The following NMNAT2 variants were observed in gnomAD, a reference collection of about 807,000 sequenced individuals.
NMNAT2 encodes nicotinamide nucleotide adenylyltransferase 2.
In NMNAT2, 11 loss-of-function variants were observed where a neutral mutation model predicts 41.6. The observed-to-expected ratio is 0.26, with a 90% CI of 0.17 to 0.44. NMNAT2 has a LOEUF of 0.44. NMNAT2 is among the 20% of genes least tolerant of loss of function. The pLI is 1.00. For synonymous variants in NMNAT2, 148 were observed against 151.2 expected (o/e 0.98, Z 0.16); for missense variants, 288 against 407.7 (o/e 0.71, Z 2.53).
chr1:183,384,066 C>A (rs1198563785), intron 1 of NMNAT2, among the ~76,000 whole-genome samples: 2 of 152,264 alleles, frequency 1.3e-5, no homozygotes, highest in East Asian at 3.9e-4. Flanking sequence ...TTTATTGGCT[C>A]ATGGTTCCAC....
At chr1:183,335,543 A>G (rs1051425996) in intron 1 of NMNAT2, among the ~76,000 whole-genome samples, 7 of 152,220 alleles carry the variant, frequency 4.6e-5, no homozygotes, top group Non-Finnish European at 8.8e-5. Context: ...TGCTGTAGTC[A>G]TCTTCAGTTC....
intron 7 of NMNAT2, among the ~76,000 whole-genome samples, chr1:183,282,606 A>C (rs1661299160): frequency 6.6e-6 from 1 of 152,204 alleles, no homozygotes; most frequent in Non-Finnish European, 1.5e-5. Context: ...GGCCAAGGAG[A>C]CTGCGTGGGA....
intron 1 of NMNAT2, among the ~76,000 whole-genome samples, chr1:183,394,441 C>T (rs1239575400): frequency 6.6e-6 from 1 of 152,184 alleles, no homozygotes; most frequent in African/African-American, 2.4e-5. Flanking sequence ...TCGAAAGTAT[C>T]CAATAAGCAA....
chr1:183,403,450 C>G (rs531331056), intron 1 of NMNAT2, among the ~76,000 whole-genome samples: 1 of 146,116 alleles, frequency 6.8e-6, no homozygotes, highest in Non-Finnish European at 1.5e-5. Context: ...ACCCCCCCCC[C>G]CAAAAAAAAT....
intron 8 of NMNAT2, among the ~76,000 whole-genome samples, chr1:183,268,353 G>T (rs1340637236): frequency 6.6e-6 from 1 of 152,224 alleles, no homozygotes; most frequent in Non-Finnish European, 1.5e-5. Flanking sequence ...CACTAGGCAT[G>T]CAGGGTTGAG....
intron 10 of NMNAT2, among the ~76,000 whole-genome samples, chr1:183,253,904 C>T (rs1357020531): frequency 1.4e-5 from 2 of 144,270 alleles, no homozygotes; most frequent in African/African-American, 5.1e-5. Flanking sequence ...GTTCCACTTC[C>T]GTGTGTGTGT....
chr1:183,259,834 C>T (rs947002569), intron 10 of NMNAT2, among the ~76,000 whole-genome samples: 5 of 152,110 alleles, frequency 3.3e-5, no homozygotes, highest in African/African-American at 4.8e-5. Context: ...CTCCTGACCT[C>T]GTGATCCACC....
intron 1 of NMNAT2, among the ~76,000 whole-genome samples, chr1:183,325,130 C>T (rs531048553): frequency 6.6e-6 from 1 of 152,290 alleles, no homozygotes; most frequent in South Asian, 2.1e-4. Context: ...CAATATCCAT[C>T]CTGATCTGCT....
rs535199454 is a variant in NMNAT2, at chr1:183,285,587, T to G, written c.449-797A>C. On this transcript the variant is annotated intron_variant, in intron 5 of 10. Transcript: ENST00000287713. ...CCCTGTTTATAATAGACCAATAATA[T>G]AATAGCTTATGGTCTCCAGGCTTGA... 1.6e-4 allele frequency among the ~76,000 whole-genome samples: 25 copies of G among 152,320 alleles called. 1 individual carries two copies. Among genetic ancestry groups the G allele is most frequent in the Non-Finnish European group, 2.5e-4 (17 of 68,020 alleles).
chr1:183,368,387 C>T (rs1442678948), intron 1 of NMNAT2, among the ~76,000 whole-genome samples: 1 of 152,178 alleles, frequency 6.6e-6, no homozygotes, highest in African/African-American at 2.4e-5. Flanking sequence ...GAAGTCTTTT[C>T]TCTTGACCAC....
chr1:183,416,688 T>C (rs751697014), intron 1 of NMNAT2, among the ~76,000 whole-genome samples: 26 of 152,114 alleles, frequency 1.7e-4, no homozygotes, highest in African/African-American at 2.4e-5. Flanking sequence ...CGTGTAGATA[T>C]GCCTACCCGA....
intron 1 of NMNAT2, among the ~76,000 whole-genome samples, chr1:183,303,820 C>G (rs567400878): frequency 6.6e-6 from 1 of 152,330 alleles, no homozygotes; most frequent in Non-Finnish European, 1.5e-5. Flanking sequence ...GCCTACCATG[C>G]CATCCCTTGG....
At chr1:183,366,572 T>G (rs186581144) in intron 1 of NMNAT2, among the ~76,000 whole-genome samples, 1 of 152,236 alleles carries the variant, frequency 6.6e-6, no homozygotes, top group Non-Finnish European at 1.5e-5. Context: ...TTGTTGGTAT[T>G]GCAGGAAATG....
At chr1:183,304,835 T>G (rs1661959661) in intron 1 of NMNAT2, 1 of 1,593,046 alleles carries the variant, frequency 6.3e-7, no homozygotes, top group African/African-American at 1.3e-5. Context: ...TTGTTGCTGA[T>G]CTTGTTTGCT....
Position 183,362,006 on chromosome 1 carries a change from C to T in NMNAT2, c.85+56177G>A, listed in dbSNP as rs114715148. ...ATGCTGGAGTGAAGTGGCGTGATCTCGGCTCCCTGCAACCTCTGACCCCTA... is the reference window on the plus strand; with the variant it reads ...ATGCTGGAGTGAAGTGGCGTGATCTTGGCTCCCTGCAACCTCTGACCCCTA... On this transcript the variant is annotated intron_variant, in intron 1 of 10. Transcript: ENST00000287713. 4.0e-3 allele frequency among the ~76,000 whole-genome samples: 611 copies of T among 152,262 alleles called. 5 individuals are homozygous for T. Among genetic ancestry groups the T allele is most frequent in the Non-Finnish European group, 5.1e-3 (349 of 68,028 alleles).
At chr1:183,292,892 C>T (rs369353568) in intron 2 of NMNAT2, 35 bp from the exon 3 acceptor site, 1 of 1,602,460 alleles carries the variant, frequency 6.2e-7, no homozygotes, top group Non-Finnish European at 8.5e-7. Flanking sequence ...GGGAGACTCC[C>T]TCCGTTCCCC....
chr1:183,311,801 A>G (rs1662128314), intron 1 of NMNAT2, among the ~76,000 whole-genome samples: 1 of 151,434 alleles, frequency 6.6e-6, no homozygotes. Flanking sequence ...ACCATGTGAC[A>G]TGGCTTGGCT....
At chr1:183,253,172 ATGT>A (rs1230873752) in intron 10 of NMNAT2, among the ~76,000 whole-genome samples, 4 of 150,452 alleles carry the variant, frequency 2.7e-5, no homozygotes, top group African/African-American at 9.7e-5. Context: ...ATACAATCTG[ATGT>A]TGTAAGATAC....
At chr1:183,331,225 A>T (rs1662576355) in intron 1 of NMNAT2, among the ~76,000 whole-genome samples, 1 of 129,980 alleles carries the variant, frequency 7.7e-6, no homozygotes, top group Non-Finnish European at 1.7e-5. Flanking sequence ...AACTGGAAAG[A>T]GGGCAGACAT....
Sources: gnomAD v4.1 joint callset for allele counts (sites outside exome capture counted in the v4.1 genomes callset) on GRCh38, gnomAD v4.1.1 for gene constraint, MANE v1.5 for transcripts, NCBI Gene and HGNC (gene_info 2026-07-23, HGNC 2026-07-21) for gene names.